The following SPECC1L variants were observed in gnomAD, a reference collection of about 807,000 sequenced individuals.
SPECC1L encodes the protein cytospin-A.
SPECC1L carries 40 observed loss-of-function variants against 116.8 expected under a neutral mutation model. That is an observed-to-expected ratio of 0.34 (90% CI 0.27 to 0.45). SPECC1L has a LOEUF of 0.45. Ranked by LOEUF, SPECC1L falls within the 20% of genes least tolerant of loss-of-function variation. The pLI, the probability that SPECC1L is intolerant of heterozygous loss-of-function variation, is 1.00. For synonymous variants in SPECC1L, 504 were observed against 500.6 expected, an observed-to-expected ratio of 1.01 and a Z score of -0.09; for missense variants, 1,110 against 1,373.6, an observed-to-expected ratio of 0.81 and a Z score of 3.03.
At chr22:24,412,503 C>T (rs1232387228) in intron 15 of SPECC1L, 145 bp from the exon 16 acceptor site, 7 of 769,474 alleles carry the variant, frequency 9.1e-6, no homozygotes, top group Non-Finnish European at 1.1e-5. Context: ...GATGCAGAAG[C>T]TCAGGCTCCC....
intron 10 of SPECC1L, among the ~76,000 whole-genome samples, chr22:24,342,672 C>CA (rs35947804): frequency 0.014 from 1,389 of 102,008 alleles, 21 homozygotes; most frequent in African/African-American, 0.031. Context: ...GACTCCATCT[C>CA]AAAAAAAAAA....
chr22:24,333,942 A>G (rs2040992185), intron 8 of SPECC1L, among the ~76,000 whole-genome samples: 1 of 152,104 alleles, frequency 6.6e-6, no homozygotes, highest in Non-Finnish European at 1.5e-5. Flanking sequence ...TTACCAAGCA[A>G]ATGAGAACAT....
intron 11 of SPECC1L, among the ~76,000 whole-genome samples, chr22:24,348,682 A>G (rs1395010051): frequency 1.3e-5 from 2 of 152,252 alleles, no homozygotes. Context: ...CCCGCCTCCC[A>G]GATGAACCCA....
At chr22:24,332,407 T>A (rs2040956299) in intron 8 of SPECC1L, among the ~76,000 whole-genome samples, 1 of 152,222 alleles carries the variant, frequency 6.6e-6, no homozygotes, top group Non-Finnish European at 1.5e-5. Flanking sequence ...GATTGACCAG[T>A]GGATTTTAAT....
At chr22:24,334,268 T>TC in intron 8 of SPECC1L, 142 bp from the exon 9 acceptor site, 6 of 780,098 alleles carry the variant, frequency 7.7e-6, no homozygotes, top group Non-Finnish European at 1.3e-5. Context: ...TGCCTCGGCC[T>TC]CCCAAAGTGC....
intron 11 of SPECC1L, among the ~76,000 whole-genome samples, chr22:24,359,001 G>A (rs1347281453): frequency 6.6e-6 from 1 of 152,056 alleles, no homozygotes; most frequent in Non-Finnish European, 1.5e-5. Context: ...TTAACCTTAT[G>A]CTCTTGATGG....
At chr22:24,292,616 C>A (rs1377087854) in intron 2 of SPECC1L, among the ~76,000 whole-genome samples, 1 of 152,118 alleles carries the variant, frequency 6.6e-6, no homozygotes, top group Non-Finnish European at 1.5e-5. Flanking sequence ...CCTTTAAGTT[C>A]AGTTCTCTAC....
At chr22:24,351,988 C>CA (rs796082803) in intron 11 of SPECC1L, among the ~76,000 whole-genome samples, 3,343 of 139,308 alleles carry the variant, frequency 0.024, 58 homozygotes, top group African/African-American at 0.054. Context: ...GACTCTGTCT[C>CA]AAAAAAAAAA....
At position 24,296,180 on chromosome 22, in the gene SPECC1L, G is replaced by C. The variant is rs562264711; in HGVS notation, c.-37-6015G>C. ...ATTCAGACCGTTGTTCCTCAAGAAT[G>C]AATTGACCTGGAGAGAATTACTTGC... On this transcript the variant is annotated intron_variant, in intron 2 of 16. Coordinates refer to ENST00000314328, the MANE Select transcript of SPECC1L (RefSeq NM_015330.6). Among the ~76,000 whole-genome samples, 42 of 152,308 alleles carry C rather than the reference G, an allele frequency of 2.8e-4. No individual in the cohort carries two copies. In the East Asian group the frequency reaches 8.1e-3, roughly 29 times the overall value.
chr22:24,295,005 C>G (rs1054703243), intron 2 of SPECC1L, among the ~76,000 whole-genome samples: 1 of 151,892 alleles, frequency 6.6e-6, no homozygotes, highest in Non-Finnish European at 1.5e-5. Flanking sequence ...AGAGATAGCC[C>G]TTTGTTTTCC....
chr22:24,395,900 C>T (rs2042358794), intron 14 of SPECC1L, among the ~76,000 whole-genome samples: 1 of 152,172 alleles, frequency 6.6e-6, no homozygotes, highest in Non-Finnish European at 1.5e-5. Flanking sequence ...TGAGAACCCC[C>T]TTGGCCTCTC....
chr22:24,396,440 G>A (rs2042370915), intron 14 of SPECC1L, among the ~76,000 whole-genome samples: 1 of 152,094 alleles, frequency 6.6e-6, no homozygotes, highest in Non-Finnish European at 1.5e-5. Context: ...TGGGATTACA[G>A]GCGTCTGCCA....
At chr22:24,386,227 TA>T (rs2042158494) in intron 14 of SPECC1L, among the ~76,000 whole-genome samples, 1 of 152,054 alleles carries the variant, frequency 6.6e-6, no homozygotes, top group Non-Finnish European at 1.5e-5. Flanking sequence ...ACATTAAGCT[TA>T]ATGGTGACTT....
chr22:24,382,941 C>T (rs1728943471), intron 14 of SPECC1L, among the ~76,000 whole-genome samples: 1 of 152,036 alleles, frequency 6.6e-6, no homozygotes, highest in African/African-American at 2.4e-5. Flanking sequence ...TTAGCTTTTG[C>T]TGTTAAGGTA....
chr22:24,308,853 T>G (rs1315667754), intron 3 of SPECC1L, among the ~76,000 whole-genome samples: 2 of 152,336 alleles, frequency 1.3e-5, no homozygotes, highest in African/African-American at 4.8e-5. Context: ...TTATTGTAAA[T>G]TCATAGATTC....
At position 24,414,708 on chromosome 22, in the gene SPECC1L, G is replaced by C. The variant is rs1264933109; in HGVS notation, c.*85G>C. ...CCGACGCCATTAGCTACGCACCCCT[G>C]TAAAGCTTCCAGCAACTCTGGGCTG... On this transcript the variant is annotated 3_prime_UTR_variant, in exon 17 of 17. Coordinates refer to ENST00000314328, the MANE Select transcript of SPECC1L (RefSeq NM_015330.6). The C allele has an allele frequency of 5.0e-6, 6 of 1,210,376 alleles. No individual in the cohort carries two copies. The African/African-American group carries it at 7.4e-5, about 15-fold the overall frequency. The allele number at this position is 1,210,376 out of a possible 1,614,324, so 75.0% of individuals were successfully genotyped here. A position where few individuals can be genotyped will look rare whatever the true frequency, so the allele number is the denominator to read the frequency against.
chr22:24,329,984 T>A (rs981924117), intron 7 of SPECC1L, among the ~76,000 whole-genome samples: 1 of 152,222 alleles, frequency 6.6e-6, no homozygotes, highest in Non-Finnish European at 1.5e-5. Context: ...CTTGACATTA[T>A]TATCATTAAT....
chr22:24,402,541 G>A lies in SPECC1L; in HGVS notation c.3088-9047G>A, dbSNP rs149252601. On this transcript the variant is annotated intron_variant, in intron 14 of 16. Coordinates refer to ENST00000314328, the MANE Select transcript of SPECC1L (RefSeq NM_015330.6). ...CACTCTTACCTCATGAGGCTGGGCT[G>A]TGATCCCCAGCAGGTTTCATTCTGA... Among the ~76,000 whole-genome samples, 1,007 of 152,314 alleles carry A rather than the reference G, an allele frequency of 6.6e-3. 2 individuals are homozygous for A. Among genetic ancestry groups the A allele is most frequent in the South Asian group, 0.012 (60 of 4,818 alleles).
intron 5 of SPECC1L, 88 bp from the exon 6 acceptor site, chr22:24,324,132 C>T: frequency 4.6e-6 from 5 of 1,075,326 alleles, no homozygotes; most frequent in Non-Finnish European, 7.2e-6. Context: ...TACTTAGCTC[C>T]CCTTGGAAAC....
Sources: allele counts gnomAD v4.1 joint callset (sites outside exome capture counted in the v4.1 genomes callset), GRCh38; gene constraint gnomAD v4.1.1; transcripts MANE v1.5; gene names NCBI Gene and HGNC (gene_info 2026-07-23, HGNC 2026-07-21).